PSD3: variants seen among roughly 807,000 people sequenced by gnomAD.
PSD3 encodes pleckstrin and Sec7 domain containing 3.
In PSD3, 49 loss-of-function variants were observed where a neutral mutation model predicts 105.5. The ratio of observed to expected loss-of-function variants is 0.46; its 90% CI spans 0.37 to 0.59. PSD3 has a LOEUF of 0.59. PSD3 is among the 20% of genes least tolerant of loss of function. The pLI is 0.00. For missense variants in PSD3, 1,561 were observed against 1,263.8 expected (o/e 1.24, Z -3.57); for synonymous variants, 557 against 457.8 (o/e 1.22, Z -2.77).
Position 18,540,030 on chromosome 8 carries a change from G to A in PSD3, c.2929-4072C>T, listed in dbSNP as rs76053828. The stretch of plus-strand genomic sequence containing the variant: ...TGTGCGCTTTATTAAGAATGCCAGC[G>A]TGCCCAGCCCCATGAGAGGAATTAT... On this transcript the variant is annotated intron_variant, in intron 15 of 15. Transcript: ENST00000327040. Among the ~76,000 whole-genome samples the A allele has an allele frequency of 6.5e-3, 987 of 152,124 alleles. 5 individuals carry two copies. The highest frequency in any genetic ancestry group is 0.022 in the African/African-American group (915 of 41,488).
At chr8:18,609,405 T>C (rs2130633324) in intron 11 of PSD3, among the ~76,000 whole-genome samples, 1 of 152,314 alleles carries the variant, frequency 6.6e-6, no homozygotes, top group South Asian at 2.1e-4. Flanking sequence ...AATGATGGCA[T>C]TCCAAAATAA....
At chr8:18,624,640 A>G (rs1226878113) in intron 11 of PSD3, among the ~76,000 whole-genome samples, 1 of 150,648 alleles carries the variant, frequency 6.6e-6, no homozygotes, top group East Asian at 2.0e-4. Context: ...TACATATGTA[A>G]CTAACCTGCA....
intron 4 of PSD3, among the ~76,000 whole-genome samples, chr8:18,866,377 C>T (rs114810570): frequency 6.6e-6 from 1 of 152,204 alleles, no homozygotes; most frequent in South Asian, 2.1e-4. Context: ...TATGCACACA[C>T]TTACCCAGGC....
At chr8:18,957,146 C>G (rs753541262) in intron 1 of PSD3, among the ~76,000 whole-genome samples, 1 of 151,848 alleles carries the variant, frequency 6.6e-6, no homozygotes, top group South Asian at 2.1e-4. Flanking sequence ...CCAAGGTGGG[C>G]GGATCACAAG....
intron 4 of PSD3, among the ~76,000 whole-genome samples, chr8:18,808,592 A>C (rs1259475492): frequency 6.6e-6 from 1 of 152,192 alleles, no homozygotes; most frequent in African/African-American, 2.4e-5. Flanking sequence ...GATCTTCTTC[A>C]AAAAGGTTTC....
intron 9 of PSD3, among the ~76,000 whole-genome samples, chr8:18,709,121 T>G (rs1209614813): frequency 6.6e-6 from 1 of 152,018 alleles, no homozygotes; most frequent in African/African-American, 2.4e-5. Context: ...GGGAAAGGGG[T>G]GGCTGCCATC....
intron 12 of PSD3, among the ~76,000 whole-genome samples, chr8:18,594,598 G>C (rs1285254968): frequency 6.6e-6 from 1 of 150,376 alleles, no homozygotes; most frequent in Non-Finnish European, 1.5e-5. Context: ...ACAGAAACAA[G>C]AAAGTATAAA....
At chr8:18,603,498 T>A (rs900531512) in intron 11 of PSD3, among the ~76,000 whole-genome samples, 1 of 152,214 alleles carries the variant, frequency 6.6e-6, no homozygotes, top group Non-Finnish European at 1.5e-5. Flanking sequence ...TTTGTTTGTA[T>A]AATAAATGTC....
chr8:18,810,504 C>T (rs1012360308), intron 4 of PSD3, among the ~76,000 whole-genome samples: 3 of 151,844 alleles, frequency 2.0e-5, no homozygotes, highest in African/African-American at 7.3e-5. Flanking sequence ...TACTATTGCC[C>T]GTTTCATACA....
intron 9 of PSD3, among the ~76,000 whole-genome samples, chr8:18,680,234 C>A (rs557061881): frequency 1.3e-5 from 2 of 152,330 alleles, no homozygotes; most frequent in Admixed American, 1.3e-4. Flanking sequence ...TTTTCTAATA[C>A]TGCACATTCC....
chr8:18,563,929 G>T (rs1801565802), intron 14 of PSD3, among the ~76,000 whole-genome samples: 2 of 152,162 alleles, frequency 1.3e-5, no homozygotes, highest in African/African-American at 4.8e-5. Context: ...TTATTCCAAA[G>T]TGGGGTGTGT....
At position 18,622,850 on chromosome 8, in the gene PSD3, A is replaced by C. The variant is rs541224355; in HGVS notation, c.2410+9763T>G. 5.9e-3 allele frequency among the ~76,000 whole-genome samples: 900 copies of C among 152,216 alleles called. 4 individuals are homozygous for C. The highest frequency in any genetic ancestry group is 9.6e-3 in the Non-Finnish European group (655 of 68,024). ...TCCCTGCTCCCTCTTAGTTCTATCCAGTTTTACCTCCCACCTTCTATCATC... is the reference window on the plus strand; with the variant it reads ...TCCCTGCTCCCTCTTAGTTCTATCCCGTTTTACCTCCCACCTTCTATCATC... On this transcript the variant is annotated intron_variant, in intron 11 of 15. Transcript: ENST00000327040.
At chr8:18,958,724 T>G (rs13281164) in intron 1 of PSD3, among the ~76,000 whole-genome samples, 84,002 of 151,984 alleles carry the variant, frequency 0.55, 23,375 homozygotes, top group East Asian at 0.62. Context: ...AATACATGCA[T>G]AAAATTATAT....
At chr8:18,822,350 A>G (rs1285250321) in intron 4 of PSD3, among the ~76,000 whole-genome samples, 1 of 152,168 alleles carries the variant, frequency 6.6e-6, no homozygotes, top group Non-Finnish European at 1.5e-5. Context: ...TTCAGGCATC[A>G]CTTGACAGCA....
intron 9 of PSD3, among the ~76,000 whole-genome samples, chr8:18,698,191 T>C (rs1801369843): frequency 1.3e-5 from 2 of 152,184 alleles, no homozygotes; most frequent in Non-Finnish European, 2.9e-5. Flanking sequence ...CTCGAACTCC[T>C]AGGCTCAACT....
chr8:18,725,559 C>T (rs1294024190), intron 9 of PSD3, among the ~76,000 whole-genome samples: 2 of 152,160 alleles, frequency 1.3e-5, no homozygotes. Context: ...TCCACTTTCC[C>T]CTCTTTTGAG....
intron 1 of PSD3, among the ~76,000 whole-genome samples, chr8:19,077,560 C>T (rs996848766): frequency 5.3e-5 from 8 of 152,100 alleles, no homozygotes; most frequent in African/African-American, 9.7e-5. Context: ...CCACCTTTTT[C>T]GTTTGCCTAG....
intron 4 of PSD3, among the ~76,000 whole-genome samples, chr8:18,857,654 C>G (rs918833742): frequency 9.9e-5 from 15 of 152,194 alleles, no homozygotes; most frequent in African/African-American, 3.6e-4. Flanking sequence ...CCGTTGTAGA[C>G]CAGTGCTTTG....
At chr8:18,944,282 T>A (rs1822727024) in intron 1 of PSD3, among the ~76,000 whole-genome samples, 2 of 152,126 alleles carry the variant, frequency 1.3e-5, no homozygotes, top group Non-Finnish European at 2.9e-5. Context: ...TTAAAAAGTT[T>A]AAGCCAGCCA....
Sources: allele counts gnomAD v4.1 joint callset (sites outside exome capture counted in the v4.1 genomes callset), GRCh38; gene constraint gnomAD v4.1.1; transcripts MANE v1.5; gene names NCBI Gene and HGNC (gene_info 2026-07-23, HGNC 2026-07-21).